Variants in EVC2 observed in about 807,000 individuals in gnomAD.
The protein encoded by EVC2 is limbin.
EVC2 carries 148 observed loss-of-function variants against 149.3 expected under a neutral mutation model. The ratio of observed to expected loss-of-function variants is 0.99; its 90% CI spans 0.87 to 1.14. The LOEUF is 1.14. EVC2 is among the 50% of genes most tolerant of loss of function. The pLI, the probability that EVC2 is intolerant of heterozygous loss-of-function variation, is 0.00. For missense variants in EVC2, 1,854 were observed against 1,627.3 expected, an observed-to-expected ratio of 1.14 and a Z score of -2.40; for synonymous variants, 776 against 649.9, an observed-to-expected ratio of 1.19 and a Z score of -2.95.
At chr4:5,681,126 CAG>C (rs1229742967) in intron 7 of EVC2, 132 bp downstream of exon 7, 1 of 987,318 alleles carries the variant, frequency 1.0e-6, no homozygotes, top group Non-Finnish European at 1.6e-6. Flanking sequence ...AGAGACTGCA[CAG>C]AGTCCCAGTC....
intron 16 of EVC2, among the ~76,000 whole-genome samples, chr4:5,606,839 G>C (rs974924583): frequency 6.6e-6 from 1 of 152,068 alleles, no homozygotes; most frequent in Non-Finnish European, 1.5e-5. Flanking sequence ...ATAAATCCTA[G>C]GAGGTAGGCG....
intron 6 of EVC2, among the ~76,000 whole-genome samples, chr4:5,682,114 T>C (rs1720387075): frequency 6.6e-6 from 1 of 152,214 alleles, no homozygotes; most frequent in African/African-American, 2.4e-5. Flanking sequence ...GAAGAGTGCC[T>C]GGCACTAGGG....
In EVC2 at chr4:5,640,604, C is replaced by G. The variant is rs1438407396; in HGVS notation, c.1380G>C (p.Leu460=). The change falls in exon 10 of 22, where the codon CTG becomes CTC. Residue 460 remains leucine (L), a synonymous_variant. Transcript: ENST00000344408. This position sits in a 1 kb window ranked among gnomAD's most constrained non-coding sequence, Gnocchi z 4.6. ...GGTTTTCCATCTTCTTTCTTGTTTCCAGGTCACATTCAGCTGTCAATGCCA... is the reference window on the plus strand; with the variant it reads ...GGTTTTCCATCTTCTTTCTTGTTTCGAGGTCACATTCAGCTGTCAATGCCA... ...KMVALTAECD[L]ETRKKMENQY... The G allele has an allele frequency of 1.9e-6, 3 of 1,614,094 alleles. No individual in the cohort carries two copies. Among genetic ancestry groups the G allele is most frequent in the Non-Finnish European group, 2.5e-6 (3 of 1,180,036 alleles).
intron 16 of EVC2, among the ~76,000 whole-genome samples, chr4:5,590,649 T>C (rs1392344826): frequency 2.0e-5 from 3 of 151,672 alleles, no homozygotes; most frequent in Non-Finnish European, 4.4e-5. Flanking sequence ...GGACAGTCTA[T>C]GGAGGATGCT....
At chr4:5,565,383 T>G (rs57901231) in intron 20 of EVC2, 24 bp from the exon 21 acceptor site, 1 of 1,611,494 alleles carries the variant, frequency 6.2e-7, no homozygotes, top group Non-Finnish European at 8.5e-7. Flanking sequence ...GGGAGTCTTA[T>G]AGTTTCAAAA....
intron 9 of EVC2, among the ~76,000 whole-genome samples, chr4:5,662,390 TAA>T (rs1173531215): frequency 2.0e-5 from 3 of 146,720 alleles, no homozygotes; most frequent in Non-Finnish European, 4.5e-5. Flanking sequence ...TCCCTAAACT[TAA>T]AAGTTAAAAA....
At chr4:5,583,554 T>C (rs1577116661) in intron 17 of EVC2, among the ~76,000 whole-genome samples, 2 of 152,316 alleles carry the variant, frequency 1.3e-5, no homozygotes, top group East Asian at 3.9e-4. Context: ...ATCAGACTTT[T>C]TTTTTCTACT....
In EVC2 at chr4:5,614,440, T is replaced by C. The variant is rs1410677706; in HGVS notation, c.2829+982A>G. Among the ~76,000 whole-genome samples, 2 of 151,946 alleles carry C rather than the reference T, an allele frequency of 1.3e-5. No homozygotes were observed. Among genetic ancestry groups the C allele is most frequent in the African/African-American group, 4.8e-5 (2 of 41,340 alleles). Reference sequence around the variant, plus strand: ...AAATACTTGTGGAACAAATTAACCATGTGATAGGTGCTATGGTAAGGAAGA... The same window carrying C: ...AAATACTTGTGGAACAAATTAACCACGTGATAGGTGCTATGGTAAGGAAGA... On this transcript the variant is annotated intron_variant, in intron 16 of 21. Coordinates refer to ENST00000344408, the MANE Select transcript of EVC2 (RefSeq NM_147127.5). This position sits in a 1 kb window ranked among gnomAD's most constrained non-coding sequence, Gnocchi z 4.7.
At chr4:5,590,272 C>G (rs13118034) in intron 16 of EVC2, among the ~76,000 whole-genome samples, 51,337 of 151,914 alleles carry the variant, frequency 0.34, 9,663 homozygotes, top group South Asian at 0.46. Context: ...TGTCCCTGAA[C>G]AGGAAAAAGT....
intron 6 of EVC2, among the ~76,000 whole-genome samples, chr4:5,684,397 AC>A (rs1316714855): frequency 1.3e-5 from 2 of 152,222 alleles, no homozygotes; most frequent in Non-Finnish European, 2.9e-5. Context: ...GCTGCAGGGT[AC>A]AATCTGATTC....
In EVC2 at chr4:5,622,417, T is replaced by A; in HGVS notation, c.2501+120A>T. On this transcript the variant is annotated intron_variant, in intron 14 of 21. Transcript: ENST00000344408. This position sits in a 1 kb window ranked among gnomAD's most constrained non-coding sequence, Gnocchi z 5.8. ...AGTTTATATGACTAATTAACGCTGG[T>A]AATCTCATCTGTCTGGGGCCAGGTG... The A allele has an allele frequency of 1.7e-6, 2 of 1,158,530 alleles. No individual in the cohort carries two copies. The highest frequency in any genetic ancestry group is 2.5e-6 in the Non-Finnish European group (2 of 791,172). 71.8% of individuals were successfully genotyped at this position (1,158,530 alleles called of 1,614,324 possible). A position where few individuals can be genotyped will look rare whatever the true frequency, so the allele number is the denominator to read the frequency against.
chr4:5,543,838 C>T (rs1417422463), intron 21 of EVC2, among the ~76,000 whole-genome samples: 1 of 152,202 alleles, frequency 6.6e-6, no homozygotes, highest in Non-Finnish European at 1.5e-5. Context: ...GACACTCTCA[C>T]AGCATCCACC....
chr4:5,561,639 G>A (rs191982909), downstream of EVC2, among the ~76,000 whole-genome samples: 675 of 152,246 alleles, frequency 4.4e-3, 13 homozygotes, highest in Admixed American at 0.04. Context: ...GACATCCATG[G>A]CAGATAAGCA....
At chr4:5,547,479 G>A (rs1007783475) in intron 21 of EVC2, among the ~76,000 whole-genome samples, 6 of 152,298 alleles carry the variant, frequency 3.9e-5, no homozygotes, top group South Asian at 2.1e-4. Flanking sequence ...CCGGTCCCAC[G>A]GACCAGAGTG....
At chr4:5,561,854 G>A (rs1316005069), downstream of EVC2, among the ~76,000 whole-genome samples, 1 of 152,160 alleles carries the variant, frequency 6.6e-6, no homozygotes, top group Non-Finnish European at 1.5e-5. Flanking sequence ...TATGACAGAT[G>A]TTTGATTTTT....
At chr4:5,608,237 A>T (rs4234709) in intron 16 of EVC2, among the ~76,000 whole-genome samples, 1 of 152,188 alleles carries the variant, frequency 6.6e-6, no homozygotes, top group Non-Finnish European at 1.5e-5. Flanking sequence ...CCCAGCAGGT[A>T]CTCCCAGTCC....
intron 21 of EVC2, among the ~76,000 whole-genome samples, chr4:5,554,292 A>T (rs1721793826): frequency 6.6e-6 from 1 of 152,212 alleles, no homozygotes. Flanking sequence ...ATCTGGAGTT[A>T]GAAGCTGCTG....
intron 16 of EVC2, among the ~76,000 whole-genome samples, chr4:5,609,291 T>TA (rs1714638998): frequency 6.6e-6 from 1 of 152,222 alleles, no homozygotes; most frequent in African/African-American, 2.4e-5. Context: ...AAGCAACTCT[T>TA]AGTTGTGGGC....
chr4:5,642,651 T>A (rs6446384), intron 9 of EVC2, among the ~76,000 whole-genome samples: 104,237 of 152,052 alleles, frequency 0.69, 36,365 homozygotes, highest in African/African-American at 0.82. Flanking sequence ...AGCGACATCC[T>A]TAAGTCTCCT....
Sources: gnomAD v4.1 joint callset for allele counts (sites outside exome capture counted in the v4.1 genomes callset) on GRCh38, gnomAD v4.1.1 for gene constraint, Gnocchi (gnomAD v3.1) non-coding constraint, MANE v1.5 for transcripts, NCBI Gene and HGNC (gene_info 2026-07-23, HGNC 2026-07-21) for gene names.